The following LHFPL2 variants were observed in gnomAD, a reference collection of about 807,000 sequenced individuals.
The protein encoded by LHFPL2 is LHFPL tetraspan subfamily member 2 protein.
Under a neutral mutation model 17.5 loss-of-function variants are expected in LHFPL2, and 7 were observed. The observed-to-expected ratio is 0.40, with a 90% confidence interval of 0.23 to 0.75. The LOEUF is 0.75. Among genes scored for constraint, LHFPL2 ranks in the 30% least tolerant of loss-of-function variants. LHFPL2 has a pLI of 0.37. For missense variants in LHFPL2, 241 were observed against 294.8 expected, an observed-to-expected ratio of 0.82 and a Z score of 1.34; for synonymous variants, 134 against 116.2, an observed-to-expected ratio of 1.15 and a Z score of -0.99.
Position 78,648,694 on chromosome 5 carries a change from G to C in LHFPL2, c.-545C>G, listed in dbSNP as rs899012389. 2 of 152,122 alleles carry C rather than the reference G, an allele frequency of 1.3e-5. No individual in the cohort carries two copies. Among genetic ancestry groups the C allele is most frequent in the Non-Finnish European group, 2.9e-5 (2 of 68,210 alleles). The allele number at this position is 152,122 out of a possible 1,614,324, so 9.4% of individuals were successfully genotyped here. On this transcript the variant is annotated 5_prime_UTR_variant, in exon 1 of 5. Coordinates refer to ENST00000380345, the MANE Select transcript of LHFPL2 (RefSeq NM_005779.3). This position sits in a 1 kb window ranked among gnomAD's most constrained non-coding sequence, Gnocchi z 5.4. ...CAACGCAAGGGAGGGGAGAGGGTCC[G>C]CGGCGCGGGGGAGGAGGCAGCGAGG...
At chr5:78,610,358 G>A (rs1442318719) in intron 2 of LHFPL2, among the ~76,000 whole-genome samples, 2 of 152,240 alleles carry the variant, frequency 1.3e-5, no homozygotes, top group African/African-American at 4.8e-5. Flanking sequence ...AGGTCTGGGA[G>A]AAGAGAAAAG....
At chr5:78,550,153 C>T (rs1756398767) in intron 3 of LHFPL2, among the ~76,000 whole-genome samples, 1 of 152,220 alleles carries the variant, frequency 6.6e-6, no homozygotes, top group Non-Finnish European at 1.5e-5. Flanking sequence ...CACTAGCAAA[C>T]CACGCTACTT....
chr5:78,549,330 T>C (rs953971628), intron 3 of LHFPL2, among the ~76,000 whole-genome samples: 1 of 152,192 alleles, frequency 6.6e-6, no homozygotes, highest in African/African-American at 2.4e-5. Context: ...ACAATACTTC[T>C]GCCACATTTC....
Position 78,509,916 on chromosome 5 carries a change from T to TG in LHFPL2, c.297dup (p.Thr100HisfsTer112). 1.2e-6 allele frequency: 2 copies of TG among 1,613,578 alleles called. No individual in the cohort carries two copies. Among genetic ancestry groups the TG allele is most frequent in the Non-Finnish European group, 1.7e-6 (2 of 1,180,026 alleles). On this transcript the variant is annotated frameshift_variant, in exon 4 of 5. Coordinates refer to ENST00000380345, the MANE Select transcript of LHFPL2 (RefSeq NM_005779.3). LOFTEE classifies it high-confidence loss of function. ...ATTCCCACAGCCAGGAAAATAGCTG[T>TG]GGCCTGCCAGAAGCCGCTGGCGATC...
intron 3 of LHFPL2, among the ~76,000 whole-genome samples, chr5:78,517,508 G>T (rs1008009315): frequency 6.6e-6 from 1 of 152,196 alleles, no homozygotes; most frequent in Non-Finnish European, 1.5e-5. Context: ...AAAGGAAAGA[G>T]GTTTAATGGA....
At chr5:78,582,646 A>C (rs532978287) in intron 2 of LHFPL2, among the ~76,000 whole-genome samples, 58 of 152,140 alleles carry the variant, frequency 3.8e-4, no homozygotes, top group Non-Finnish European at 6.9e-4. Context: ...CTGTGGTCTG[A>C]GAGACAGTTT....
chr5:78,488,525 A>C lies in LHFPL2; in HGVS notation c.*372T>G. The C allele has an allele frequency of 4.1e-6, 1 of 245,310 alleles. No individual in the cohort carries two copies. Among genetic ancestry groups the C allele is most frequent in the Non-Finnish European group, 8.1e-6 (1 of 123,420 alleles). 15.2% of individuals were successfully genotyped at this position (245,310 alleles called of 1,614,324 possible). ...GAGGCAGAGATGCTCACAAGCAAGC[A>C]GTGTTGGAGCAGAAACAGCCTGCAG... On this transcript the variant is annotated 3_prime_UTR_variant, in exon 5 of 5. Transcript: ENST00000380345.
chr5:78,491,642 A>C (rs550334949), intron 4 of LHFPL2, among the ~76,000 whole-genome samples: 17 of 152,312 alleles, frequency 1.1e-4, no homozygotes, highest in Admixed American at 8.5e-4. Flanking sequence ...CTGACTTTAG[A>C]GTTTGAATCC....
chr5:78,584,568 G>A (rs10062048), intron 2 of LHFPL2, among the ~76,000 whole-genome samples: 60,739 of 151,852 alleles, frequency 0.4, 12,437 homozygotes, highest in Middle Eastern at 0.47. Flanking sequence ...TGCCCCTGCT[G>A]GGGGGGTGCC....
At chr5:78,616,379 G>C (rs1045424346) in intron 2 of LHFPL2, among the ~76,000 whole-genome samples, 2 of 151,932 alleles carry the variant, frequency 1.3e-5, no homozygotes, top group African/African-American at 4.8e-5. Context: ...CAGCCGCCTC[G>C]CCCTCCCAAA....
intron 4 of LHFPL2, among the ~76,000 whole-genome samples, chr5:78,499,825 ATC>A (rs1291928620): frequency 1.3e-5 from 2 of 152,178 alleles, no homozygotes; most frequent in African/African-American, 4.8e-5. Flanking sequence ...CTTCCATTTG[ATC>A]TGAGTGTCAC....
intron 1 of LHFPL2, among the ~76,000 whole-genome samples, chr5:78,644,106 G>C (rs1401970912): frequency 6.6e-6 from 1 of 152,074 alleles, no homozygotes; most frequent in Non-Finnish European, 1.5e-5. Context: ...GGTATCTAAA[G>C]ATAACATTTG....
At chr5:78,520,510 G>GAGCAGATGGCTCCAT (rs1448110154) in intron 3 of LHFPL2, among the ~76,000 whole-genome samples, 5 of 152,338 alleles carry the variant, frequency 3.3e-5, no homozygotes, top group African/African-American at 7.2e-5. Context: ...GCTCCTTCTA[G>GAGCAGATGGCTCCAT]AGCAGATGGC....
At chr5:78,606,403 G>C (rs931604159) in intron 2 of LHFPL2, among the ~76,000 whole-genome samples, 18 of 152,314 alleles carry the variant, frequency 1.2e-4, no homozygotes, top group African/African-American at 4.3e-4. Flanking sequence ...TGGCAATGAA[G>C]TAGTAATTAC....
chr5:78,629,082 GGAT>G (rs545527835), intron 2 of LHFPL2, among the ~76,000 whole-genome samples: 52 of 152,254 alleles, frequency 3.4e-4, no homozygotes, highest in African/African-American at 1.2e-3. Context: ...TAAAAAAGAT[GGAT>G]GAGGACTTTT....
Position 78,487,102 on chromosome 5 carries a change from A to G in LHFPL2, c.*1795T>C, listed in dbSNP as rs922938612. ...TCTTCACCAAAATCACAGGATTTAC[A>G]TCTCACTCACTTTGAATTTTGGTTC... On this transcript the variant is annotated 3_prime_UTR_variant, in exon 5 of 5. Coordinates refer to ENST00000380345, the MANE Select transcript of LHFPL2 (RefSeq NM_005779.3). 6.6e-6 allele frequency: 1 copy of G among 152,146 alleles called. No individual in the cohort carries two copies. The highest frequency in any genetic ancestry group is 1.5e-5 in the Non-Finnish European group (1 of 68,016). 9.4% of individuals were successfully genotyped at this position (152,146 alleles called of 1,614,324 possible).
In LHFPL2 at chr5:78,523,565, C is replaced by T. The variant is rs534919747; in HGVS notation, c.-185-13167G>A. Among the ~76,000 whole-genome samples, 472 of 152,206 alleles carry T rather than the reference C, an allele frequency of 3.1e-3. 2 individuals are homozygous for T. The highest frequency in any genetic ancestry group is 5.1e-3 in the Non-Finnish European group (349 of 68,014). ...ACAACCTGCCACAGAGATAACCTGCCAAGGGCGAAGAATGAGGGGGGATGG... is the reference window on the plus strand; with the variant it reads ...ACAACCTGCCACAGAGATAACCTGCTAAGGGCGAAGAATGAGGGGGGATGG... On this transcript the variant is annotated intron_variant, in intron 3 of 4. Transcript: ENST00000380345.
At position 78,648,016 on chromosome 5, in the gene LHFPL2, A is replaced by G. The variant is rs998707678; in HGVS notation, c.-350+483T>C. Among the ~76,000 whole-genome samples, 29 of 152,224 alleles carry G rather than the reference A, an allele frequency of 1.9e-4. No individual in the cohort carries two copies. Among genetic ancestry groups the G allele is most frequent in the African/African-American group, 6.7e-4 (28 of 41,566 alleles). ...AAAATGCAGTCCAGATTTGAGAAGC[A>G]GCTGACGTCTGTGGCCAGAGTGACC... On this transcript the variant is annotated intron_variant, in intron 1 of 4. Coordinates refer to ENST00000380345, the MANE Select transcript of LHFPL2 (RefSeq NM_005779.3). The surrounding 1 kb of genome is among the most constrained non-coding windows in gnomAD (Gnocchi z 5.4).
At chr5:78,534,473 G>A (rs546465023) in intron 3 of LHFPL2, among the ~76,000 whole-genome samples, 161 of 152,342 alleles carry the variant, frequency 1.1e-3, no homozygotes, top group Non-Finnish European at 2.2e-3. Flanking sequence ...CACAGCACCC[G>A]TGTCTATGAC....
Sources: gnomAD v4.1 joint callset for allele counts (sites outside exome capture counted in the v4.1 genomes callset) on GRCh38, gnomAD v4.1.1 for gene constraint, Gnocchi (gnomAD v3.1) non-coding constraint, MANE v1.5 for transcripts, NCBI Gene and HGNC (gene_info 2026-07-23, HGNC 2026-07-21) for gene names.